The following MGMT variants were observed in gnomAD, a reference collection of about 807,000 sequenced individuals.
The protein encoded by MGMT is methylated-DNA--protein-cysteine methyltransferase.
MGMT carries 14 observed loss-of-function variants against 15.9 expected under a neutral mutation model. That is an observed-to-expected ratio of 0.88 (90% confidence interval 0.58 to 1.37). The LOEUF (loss-of-function observed/expected upper bound fraction) is 1.37. Ranked by LOEUF, MGMT falls within the 40% of genes most tolerant of loss-of-function variation. MGMT has a pLI of 0.00. For missense variants in MGMT, 282 were observed against 268.1 expected, an observed-to-expected ratio of 1.05 and a Z score of -0.36; for synonymous variants, 130 against 118.2, an observed-to-expected ratio of 1.10 and a Z score of -0.65.
chr10:129,688,704 A>G (rs2133126152), intron 2 of MGMT, among the ~76,000 whole-genome samples: 1 of 152,322 alleles, frequency 6.6e-6, no homozygotes, highest in East Asian at 1.9e-4. Flanking sequence ...TAAAGACTTC[A>G]TGTCTAAAAC....
intron 2 of MGMT, among the ~76,000 whole-genome samples, chr10:129,585,184 ATCT>A (rs1326770559): frequency 1.3e-5 from 2 of 152,114 alleles, no homozygotes; most frequent in African/African-American, 4.8e-5. Context: ...CGAGAAAGAT[ATCT>A]TCTTGTGTAA....
At chr10:129,469,631 C>G (rs1004460982) in intron 1 of MGMT, among the ~76,000 whole-genome samples, 4 of 152,210 alleles carry the variant, frequency 2.6e-5, no homozygotes, top group African/African-American at 9.6e-5. Flanking sequence ...ACGGTCCTTC[C>G]TGACCCTCTG....
chr10:129,661,493 A>T (rs1847597612), intron 2 of MGMT, among the ~76,000 whole-genome samples: 1 of 152,130 alleles, frequency 6.6e-6, no homozygotes, highest in African/African-American at 2.4e-5. Flanking sequence ...ACAACTATTG[A>T]TGTTGTGCAA....
At chr10:129,766,407 G>C (rs1218530830) in intron 4 of MGMT, among the ~76,000 whole-genome samples, 1 of 152,224 alleles carries the variant, frequency 6.6e-6, no homozygotes, top group Middle Eastern at 3.2e-3. Context: ...GGGAGTGTTT[G>C]AGAGCGTCAC....
intron 2 of MGMT, among the ~76,000 whole-genome samples, chr10:129,537,663 A>G (rs1376164687): frequency 6.6e-6 from 1 of 152,212 alleles, no homozygotes; most frequent in Non-Finnish European, 1.5e-5. Context: ...TTAAATGCCC[A>G]TTGTGGATTA....
At chr10:129,591,953 AAAG>A (rs1409997606) in intron 2 of MGMT, among the ~76,000 whole-genome samples, 5 of 152,174 alleles carry the variant, frequency 3.3e-5, no homozygotes, top group Admixed American at 3.3e-4. Context: ...AATAAATAAA[AAAG>A]AATGTCCTTG....
intron 2 of MGMT, among the ~76,000 whole-genome samples, chr10:129,686,195 A>G (rs962668390): frequency 1.3e-5 from 2 of 152,140 alleles, no homozygotes; most frequent in African/African-American, 4.8e-5. Flanking sequence ...TGTGAACAGA[A>G]GCACTTTTTT....
intron 2 of MGMT, among the ~76,000 whole-genome samples, chr10:129,695,677 CA>C (rs1197425326): frequency 1.3e-5 from 2 of 152,100 alleles, no homozygotes; most frequent in African/African-American, 4.8e-5. Flanking sequence ...CTGTTGGTAC[CA>C]AAAGTATTAT....
At chr10:129,678,246 A>C (rs571282264) in intron 2 of MGMT, among the ~76,000 whole-genome samples, 1 of 152,170 alleles carries the variant, frequency 6.6e-6, no homozygotes, top group Admixed American at 6.6e-5. Flanking sequence ...CCAAGCTCAG[A>C]ATGAAGCCAC....
At chr10:129,572,882 A>G (rs891555106) in intron 2 of MGMT, among the ~76,000 whole-genome samples, 5 of 152,206 alleles carry the variant, frequency 3.3e-5, no homozygotes, top group African/African-American at 1.2e-4. Flanking sequence ...TTATTAATAT[A>G]CATTTAAAGT....
intron 1 of MGMT, among the ~76,000 whole-genome samples, chr10:129,514,146 A>G (rs1263512363): frequency 6.6e-6 from 1 of 152,250 alleles, no homozygotes; most frequent in Non-Finnish European, 1.5e-5. Context: ...GAATTTTGTA[A>G]TAACATTCAC....
intron 1 of MGMT, among the ~76,000 whole-genome samples, chr10:129,489,740 G>T (rs1845449066): frequency 6.6e-6 from 1 of 152,000 alleles, no homozygotes. Context: ...TATTATAAAT[G>T]GTATCTTTTT....
At chr10:129,523,128 T>C (rs1361797178) in intron 1 of MGMT, among the ~76,000 whole-genome samples, 4 of 152,246 alleles carry the variant, frequency 2.6e-5, no homozygotes, top group Admixed American at 6.5e-5. Flanking sequence ...CAGCAGTTAG[T>C]TGGTTCCTGA....
intron 1 of MGMT, among the ~76,000 whole-genome samples, chr10:129,467,624 G>A (rs1303506136): frequency 6.6e-6 from 1 of 152,234 alleles, no homozygotes; most frequent in African/African-American, 2.4e-5. Context: ...CATGCTGCCA[G>A]CTTTCCCTCC....
Position 129,626,704 on chromosome 10 carries a change from C to T in MGMT, c.126-81191C>T, listed in dbSNP as rs529862373. ...GTTCCAGCTACACCAGCCTGACTTC[C>T]ACTGGACAGTGCCATTTTCTGCCTC... is the stretch of plus-strand genomic sequence containing the variant. On this transcript the variant is annotated intron_variant, in intron 2 of 4. Coordinates refer to ENST00000651593, the MANE Select transcript of MGMT (RefSeq NM_002412.5). 2.3e-3 allele frequency among the ~76,000 whole-genome samples: 352 copies of T among 152,294 alleles called. 2 individuals carry two copies. Among genetic ancestry groups the T allele is most frequent in the African/African-American group, 8.1e-3 (338 of 41,558 alleles).
intron 3 of MGMT, among the ~76,000 whole-genome samples, chr10:129,735,477 G>T (rs185056145): frequency 0.016 from 2,364 of 152,214 alleles, 68 homozygotes; most frequent in African/African-American, 0.052. Flanking sequence ...CTTGCTAGCG[G>T]TCTATCAATT....
chr10:129,537,223 A>G (rs1845995947), intron 2 of MGMT: 1 of 152,170 alleles, frequency 6.6e-6, no homozygotes, highest in Non-Finnish European at 1.5e-5. Flanking sequence ...TGCCAAGAAC[A>G]TTAGATAAAG....
intron 3 of MGMT, among the ~76,000 whole-genome samples, chr10:129,746,238 CAAAAA>C (rs57022839): frequency 2.9e-5 from 3 of 104,882 alleles, no homozygotes; most frequent in South Asian, 3.2e-4. Context: ...GACTCTGTCT[CAAAAA>C]AAAAAAAAAA....
At position 129,646,747 on chromosome 10, in the gene MGMT, TATA is replaced by T. The variant is rs1564747264; in HGVS notation, c.126-61147_126-61145del. Among the ~76,000 whole-genome samples, 4 of 111,230 alleles carry T rather than the reference TATA, an allele frequency of 3.6e-5. 1 individual carries two copies. Among genetic ancestry groups the T allele is most frequent in the Non-Finnish European group, 5.8e-5 (3 of 51,772 alleles). The allele number at this position is 111,230 out of a possible 152,430, so 73.0% of individuals were successfully genotyped here. A position where few individuals can be genotyped will look rare whatever the true frequency, so the allele number is the denominator to read the frequency against. ...ATATATATATATATATATATATATA[TATA>T]TATATTTTCAGGGAATGGTAGAGAA... is the stretch of plus-strand genomic sequence containing the variant. On this transcript the variant is annotated intron_variant, in intron 2 of 4. Coordinates refer to ENST00000651593, the MANE Select transcript of MGMT (RefSeq NM_002412.5).
Sources: gnomAD v4.1 joint callset for allele counts (sites outside exome capture counted in the v4.1 genomes callset) on GRCh38, gnomAD v4.1.1 for gene constraint, MANE v1.5 for transcripts, NCBI Gene and HGNC (gene_info 2026-07-23, HGNC 2026-07-21) for gene names.